The following CNTN5 variants were observed in gnomAD, a reference collection of about 807,000 sequenced individuals.
CNTN5 encodes contactin-5.
Under a neutral mutation model 129.1 loss-of-function variants are expected in CNTN5, and 77 were observed. The observed-to-expected ratio is 0.60, with a 90% confidence interval of 0.50 to 0.72. CNTN5 has a LOEUF of 0.72. Among genes scored for constraint, CNTN5 ranks in the 30% least tolerant of loss-of-function variants. The pLI, the probability that CNTN5 is intolerant of heterozygous loss-of-function variation, is 0.00. For missense variants in CNTN5, 1,478 were observed against 1,328.8 expected (o/e 1.11, Z -1.75); for synonymous variants, 509 against 465.6 (o/e 1.09, Z -1.20).
intron 3 of CNTN5, among the ~76,000 whole-genome samples, chr11:99,721,666 CAAAA>C (rs1198370391): frequency 6.6e-6 from 1 of 152,022 alleles, no homozygotes; most frequent in Non-Finnish European, 1.5e-5. Flanking sequence ...TTCTGCAAAA[CAAAA>C]GAAACTATCA....
At chr11:99,990,375 G>GT (rs1192129704) in intron 8 of CNTN5, among the ~76,000 whole-genome samples, 2 of 150,002 alleles carry the variant, frequency 1.3e-5, no homozygotes, top group Non-Finnish European at 3.0e-5. Flanking sequence ...TTTTTAGAAT[G>GT]TATTTATTGG....
intron 2 of CNTN5, among the ~76,000 whole-genome samples, chr11:99,332,422 CA>C (rs1262272210): frequency 9.2e-5 from 14 of 151,952 alleles, no homozygotes; most frequent in African/African-American, 3.4e-4. Flanking sequence ...TATCTTATAC[CA>C]ATCTGTGCCC....
intron 1 of CNTN5, among the ~76,000 whole-genome samples, chr11:99,300,118 C>T (rs1355365190): frequency 2.0e-5 from 3 of 151,818 alleles, no homozygotes; most frequent in Non-Finnish European, 4.4e-5. Flanking sequence ...ATTTCTTTTT[C>T]TTGCCTGATT....
At chr11:100,195,495 C>G (rs1948614974) in intron 15 of CNTN5, among the ~76,000 whole-genome samples, 1 of 151,824 alleles carries the variant, frequency 6.6e-6, no homozygotes, top group Non-Finnish European at 1.5e-5. Context: ...TTCCTTGCCC[C>G]AGAGAGTGCC....
intron 1 of CNTN5, among the ~76,000 whole-genome samples, chr11:99,199,889 T>A (rs1410341393): frequency 6.6e-6 from 1 of 152,142 alleles, no homozygotes; most frequent in Non-Finnish European, 1.5e-5. Flanking sequence ...ATGACTGAAA[T>A]TCAGTTAAAA....
At position 100,086,398 on chromosome 11, in the gene CNTN5, T is replaced by C. The variant is rs553186814; in HGVS notation, c.1580+12104T>C. Among the ~76,000 whole-genome samples the C allele has an allele frequency of 8.7e-5, 13 of 149,648 alleles. No homozygotes were observed. In the East Asian group the frequency reaches 2.5e-3, roughly 29 times the overall value. On this transcript the variant is annotated intron_variant, in intron 13 of 24. Transcript: ENST00000524871. ...TCAAAACAATAAAAAAAAAGAAAAA[T>C]TTTTAGTGCAACCAGTAAAAGCATT...
At chr11:99,636,188 G>C (rs1459638561) in intron 3 of CNTN5, among the ~76,000 whole-genome samples, 2 of 151,862 alleles carry the variant, frequency 1.3e-5, no homozygotes, top group Non-Finnish European at 2.9e-5. Context: ...AAAAAAGAAT[G>C]GGAATTCTAC....
At chr11:99,866,226 C>T (rs1045048065) in intron 6 of CNTN5, among the ~76,000 whole-genome samples, 1 of 152,136 alleles carries the variant, frequency 6.6e-6, no homozygotes, top group African/African-American at 2.4e-5. Flanking sequence ...ATAACCCAAA[C>T]TTTTTTCCCC....
intron 13 of CNTN5, among the ~76,000 whole-genome samples, chr11:100,144,615 G>T (rs1946793141): frequency 6.6e-6 from 1 of 152,094 alleles, no homozygotes; most frequent in African/African-American, 2.4e-5. Flanking sequence ...TTTAATCTCA[G>T]AAACTCCTTT....
chr11:99,920,421 C>A (rs61911653), intron 7 of CNTN5, among the ~76,000 whole-genome samples: 59,525 of 151,596 alleles, frequency 0.39, 11,766 homozygotes, highest in Middle Eastern at 0.47. Context: ...ACATCTCTAA[C>A]CCAGACTCTG....
intron 13 of CNTN5, among the ~76,000 whole-genome samples, chr11:100,185,013 T>A (rs549832230): frequency 3.9e-5 from 6 of 152,174 alleles, no homozygotes; most frequent in African/African-American, 1.4e-4. Flanking sequence ...TGGCGCTCTC[T>A]CTCCTGCCGC....
At chr11:99,935,115 T>C (rs1044682581) in intron 7 of CNTN5, among the ~76,000 whole-genome samples, 6 of 151,194 alleles carry the variant, frequency 4.0e-5, no homozygotes, top group Admixed American at 1.3e-4. Flanking sequence ...TTAAATTTTA[T>C]ACGATATAAA....
chr11:99,426,579 G>A (rs531551552), intron 2 of CNTN5, among the ~76,000 whole-genome samples: 14 of 152,040 alleles, frequency 9.2e-5, no homozygotes, highest in Non-Finnish European at 1.5e-4. Flanking sequence ...AGAAAACTTC[G>A]TTAATCTGAC....
intron 9 of CNTN5, among the ~76,000 whole-genome samples, chr11:100,031,995 C>A (rs556504290): frequency 1.3e-5 from 2 of 152,138 alleles, no homozygotes; most frequent in Non-Finnish European, 2.9e-5. Flanking sequence ...ATTTCTCAAC[C>A]TGCCGATCCA....
intron 3 of CNTN5, among the ~76,000 whole-genome samples, chr11:99,657,484 C>T (rs1190029731): frequency 6.6e-6 from 1 of 152,004 alleles, no homozygotes; most frequent in Non-Finnish European, 1.5e-5. Flanking sequence ...ACACAAATTC[C>T]TTGTATATCA....
intron 1 of CNTN5, among the ~76,000 whole-genome samples, chr11:99,032,709 T>C (rs1321892106): frequency 2.0e-5 from 3 of 150,092 alleles, no homozygotes; most frequent in Admixed American, 6.6e-5. Context: ...TTCTCCCATT[T>C]TGTAGGTTGC....
At chr11:99,985,616 C>A (rs191199753) in intron 8 of CNTN5, among the ~76,000 whole-genome samples, 128 of 152,282 alleles carry the variant, frequency 8.4e-4, no homozygotes, top group Non-Finnish European at 1.7e-3. Context: ...GGGTTTCAGG[C>A]TTTTCAGCTT....
At chr11:100,033,319 G>A (rs1039391998) in intron 9 of CNTN5, among the ~76,000 whole-genome samples, 2 of 152,138 alleles carry the variant, frequency 1.3e-5, no homozygotes, top group Non-Finnish European at 2.9e-5. Flanking sequence ...AAGGGAGATT[G>A]TTTAAAAACA....
At position 99,871,584 on chromosome 11, in the gene CNTN5, C is replaced by T. The variant is rs12576723; in HGVS notation, c.577+26322C>T. Reference sequence around the variant, plus strand: ...TGTTTAATGTCAGGTACTGGGAAAACGTGATTTATATACATTTATGGCTTA... The same window carrying T: ...TGTTTAATGTCAGGTACTGGGAAAATGTGATTTATATACATTTATGGCTTA... On this transcript the variant is annotated intron_variant, in intron 6 of 24. Coordinates refer to ENST00000524871, the MANE Select transcript of CNTN5 (RefSeq NM_014361.4). Among the ~76,000 whole-genome samples the T allele has an allele frequency of 7.2e-5, 11 of 151,958 alleles. No individual in the cohort carries two copies. The East Asian group carries it at 7.7e-4, about 11-fold the overall frequency.
Sources: gnomAD v4.1 joint callset for allele counts (sites outside exome capture counted in the v4.1 genomes callset) on GRCh38, gnomAD v4.1.1 for gene constraint, MANE v1.5 for transcripts, NCBI Gene and HGNC (gene_info 2026-07-23, HGNC 2026-07-21) for gene names.